NHSL1: variants seen among roughly 807,000 people sequenced by gnomAD.
NHSL1 encodes NHS-like protein 1.
Under a neutral mutation model 95.0 loss-of-function variants are expected in NHSL1, and 48 were observed. The observed-to-expected ratio is 0.51, with a 90% CI of 0.40 to 0.64. The LOEUF (loss-of-function observed/expected upper bound fraction) is 0.64. Ranked by LOEUF, NHSL1 falls within the 30% of genes least tolerant of loss-of-function variation. NHSL1 has a pLI of 0.00. For synonymous variants in NHSL1, 783 were observed against 833.9 expected (o/e 0.94, Z 1.05); for missense variants, 1,971 against 2,077.7 (o/e 0.95, Z 1.00).
At chr6:138,534,194 G>T (rs947284570) in intron 1 of NHSL1, among the ~76,000 whole-genome samples, 2 of 152,110 alleles carry the variant, frequency 1.3e-5, no homozygotes, top group African/African-American at 4.8e-5. Flanking sequence ...GAGAGTGATG[G>T]TTAAAGTCTT....
At chr6:138,575,231 T>C (rs1289552876), upstream of NHSL1, among the ~76,000 whole-genome samples, 1 of 152,120 alleles carries the variant, frequency 6.6e-6, no homozygotes, top group Non-Finnish European at 1.5e-5. Context: ...AGAAGTGCTG[T>C]TGAGCGCTTT....
At chr6:138,552,746 A>T (rs1242003778) in intron 1 of NHSL1, among the ~76,000 whole-genome samples, 1 of 152,094 alleles carries the variant, frequency 6.6e-6, no homozygotes, top group Non-Finnish European at 1.5e-5. Flanking sequence ...GGTTGCCCTT[A>T]GCTGTGGCAA....
intron 3 of NHSL1, among the ~76,000 whole-genome samples, chr6:138,465,756 C>T (rs1404861303): frequency 3.5e-5 from 5 of 144,328 alleles, no homozygotes; most frequent in Middle Eastern, 7.9e-3. Flanking sequence ...CAGAGTCTAG[C>T]TCTGTCGCCT....
rs1173526505 is a variant in NHSL1 at position 138,431,145 on chromosome 6, A to G, written c.3200T>C (p.Leu1067Pro). 2 of 1,551,654 alleles carry G rather than the reference A, an allele frequency of 1.3e-6. No individual in the cohort carries two copies. The highest frequency in any genetic ancestry group is 8.7e-7 in the Non-Finnish European group (1 of 1,146,952). ...CATCTGCAATGCTTCCGTGGTTATC[A>G]GGGGCATGGGGGGCCTGCTGGTCTC... ...KEETSRPPMP[L>P]ITTEALQMVQ... The change falls in exon 6 of 8, where the codon CTG becomes CCG. Residue 1067 changes from leucine to proline, a missense_variant. Leu to Pro is a moderately conservative substitution (Grantham distance 98). This residue lies in a region of NHSL1 where 1,602 missense variants were observed against 1,654.5 expected (regional missense o/e 0.97). Transcript: ENST00000343505. The surrounding 1 kb of genome is among the most constrained non-coding windows in gnomAD (Gnocchi z 4.0).
intron 1 of NHSL1, among the ~76,000 whole-genome samples, chr6:138,632,170 C>A (rs146533329): frequency 5.9e-5 from 9 of 152,300 alleles, no homozygotes; most frequent in Non-Finnish European, 7.4e-5. Context: ...GGAAGGACTG[C>A]GTCTTGTGGT....
intron 1 of NHSL1, among the ~76,000 whole-genome samples, chr6:138,670,056 G>T (rs536490629): frequency 6.6e-6 from 1 of 152,142 alleles, no homozygotes; most frequent in Non-Finnish European, 1.5e-5. Flanking sequence ...AGGAGGTGGA[G>T]GTTGCAGTGA....
intron 1 of NHSL1, among the ~76,000 whole-genome samples, chr6:138,498,678 CAA>C (rs762252885): frequency 6.6e-6 from 1 of 152,188 alleles, no homozygotes; most frequent in Non-Finnish European, 1.5e-5. Context: ...AGCCACATCA[CAA>C]AAGTTCTGTA....
At chr6:138,455,606 G>A (rs1029628810) in intron 3 of NHSL1, among the ~76,000 whole-genome samples, 1 of 152,004 alleles carries the variant, frequency 6.6e-6, no homozygotes, top group Non-Finnish European at 1.5e-5. Flanking sequence ...TCTTGAGAAA[G>A]CCATTTCATA....
At chr6:138,612,575 A>G (rs549649134) in intron 1 of NHSL1, among the ~76,000 whole-genome samples, 1 of 152,356 alleles carries the variant, frequency 6.6e-6, no homozygotes, top group South Asian at 2.1e-4. Flanking sequence ...TAGAAGATAC[A>G]TGAGAGAGTG....
At chr6:138,569,261 G>GTC in intron 1 of NHSL1, among the ~76,000 whole-genome samples, 1 of 151,590 alleles carries the variant, frequency 6.6e-6, no homozygotes, top group Non-Finnish European at 1.5e-5. Flanking sequence ...GTGTGTGTGT[G>GTC]TGTGTGTGTG....
At chr6:138,594,737 A>G (rs1425151462) in intron 1 of NHSL1, among the ~76,000 whole-genome samples, 5 of 152,236 alleles carry the variant, frequency 3.3e-5, no homozygotes, top group Non-Finnish European at 5.9e-5. Flanking sequence ...AAAGGGCTAC[A>G]TAGCAAGATT....
At chr6:138,551,835 T>A (rs1783015277) in intron 1 of NHSL1, among the ~76,000 whole-genome samples, 1 of 152,186 alleles carries the variant, frequency 6.6e-6, no homozygotes, top group South Asian at 2.1e-4. Context: ...ACACTGCCTC[T>A]CACCAACATC....
intron 5 of NHSL1, among the ~76,000 whole-genome samples, chr6:138,439,524 AG>A (rs1433160513): frequency 6.6e-6 from 1 of 152,262 alleles, no homozygotes; most frequent in Non-Finnish European, 1.5e-5. Context: ...AAGTCCTGAA[AG>A]GACAGAACAA....
At chr6:138,526,933 G>C (rs1781929040) in intron 1 of NHSL1, among the ~76,000 whole-genome samples, 1 of 152,158 alleles carries the variant, frequency 6.6e-6, no homozygotes, top group South Asian at 2.1e-4. Context: ...TATCGATAAA[G>C]TTTGTCATTC....
intron 1 of NHSL1, among the ~76,000 whole-genome samples, chr6:138,534,454 G>A (rs1006656792): frequency 5.3e-5 from 8 of 152,088 alleles, no homozygotes; most frequent in Admixed American, 4.6e-4. Flanking sequence ...GAAAGAAAAG[G>A]AGCCCTTTGA....
At chr6:138,569,270 TGAGA>T (rs534927979) in intron 1 of NHSL1, among the ~76,000 whole-genome samples, 2 of 149,586 alleles carry the variant, frequency 1.3e-5, no homozygotes, top group Admixed American at 6.7e-5. Flanking sequence ...TGTGTGTGTG[TGAGA>T]GAGAGAGAGA....
chr6:138,494,872 T>C (rs888664913), intron 2 of NHSL1, among the ~76,000 whole-genome samples: 23 of 152,228 alleles, frequency 1.5e-4, no homozygotes, highest in East Asian at 1.9e-4. Context: ...AAGTCACTCC[T>C]TCCTCTTTGA....
At chr6:138,537,699 G>A (rs187509432) in intron 1 of NHSL1, among the ~76,000 whole-genome samples, 32 of 152,286 alleles carry the variant, frequency 2.1e-4, no homozygotes, top group African/African-American at 7.7e-4. Context: ...GGGATTTCTT[G>A]AATATTCTTT....
At chr6:138,447,838 T>C (rs1218896293) in intron 3 of NHSL1, among the ~76,000 whole-genome samples, 2 of 152,220 alleles carry the variant, frequency 1.3e-5, no homozygotes, top group Non-Finnish European at 2.9e-5. Context: ...AAAAACATCA[T>C]GGCTGTGGCC....
Sources: allele counts gnomAD v4.1 joint callset (sites outside exome capture counted in the v4.1 genomes callset), GRCh38; gene constraint gnomAD v4.1.1; regional missense constraint gnomAD v4.1.1; non-coding constraint Gnocchi (gnomAD v3.1); transcripts MANE v1.5; gene names NCBI Gene and HGNC (gene_info 2026-07-23, HGNC 2026-07-21).